Variants in ARHGAP45 observed in about 807,000 individuals in gnomAD.
ARHGAP45 encodes the protein Rho GTPase activating protein 45.
In ARHGAP45, 56 loss-of-function variants were observed where a neutral mutation model predicts 116.1. That is an observed-to-expected ratio of 0.48 (90% confidence interval 0.39 to 0.60). The LOEUF (loss-of-function observed/expected upper bound fraction) is 0.60. Among genes scored for constraint, ARHGAP45 ranks in the 20% least tolerant of loss-of-function variants. The pLI is 0.00. For missense variants in ARHGAP45, 1,622 were observed against 1,601.0 expected (o/e 1.01, Z -0.22); for synonymous variants, 866 against 701.7 (o/e 1.23, Z -3.70).
rs1568486735 is a variant in ARHGAP45 at position 1,084,365 on chromosome 19, G to A, written c.3064+19G>A. ...TGCAGAGGTGAGTGTGTGGCTGCCC[G>A]AACGGCCCCAAGGGAGGCTGGCGTG... is the stretch of plus-strand genomic sequence containing the variant. On this transcript the variant is annotated intron_variant, in intron 22 of 22. Coordinates refer to ENST00000313093, the MANE Select transcript of ARHGAP45 (RefSeq NM_012292.5). 4.4e-6 allele frequency: 7 copies of A among 1,590,610 alleles called. No individual in the cohort carries two copies. Among genetic ancestry groups the A allele is most frequent in the East Asian group, 2.2e-5 (1 of 44,622 alleles).
At position 1,071,203 on chromosome 19, in the gene ARHGAP45, C is replaced by G. The variant is rs1274044224; in HGVS notation, c.422-1946C>G. The G allele has an allele frequency of 7.1e-7, 1 of 1,405,326 alleles. No individual in the cohort carries two copies. The highest frequency in any genetic ancestry group is 9.2e-7 in the Non-Finnish European group (1 of 1,081,572). The allele number at this position is 1,405,326 out of a possible 1,614,324, so 87.1% of individuals were successfully genotyped here. A position where few individuals can be genotyped will look rare whatever the true frequency, so the allele number is the denominator to read the frequency against. ...GCGGGGGCGGGGCCTCCTGACCGGC[C>G]GGAGCCGGTTTGGCCACCGGAGACC... On this transcript the variant is annotated intron_variant, in intron 2 of 22. Transcript: ENST00000313093. The surrounding 1 kb of genome is among the most constrained non-coding windows in gnomAD (Gnocchi z 4.6).
intron 10 of ARHGAP45, chr19:1,077,350 C>T (rs1049918876): frequency 2.0e-6 from 2 of 997,652 alleles, no homozygotes; most frequent in African/African-American, 3.5e-5. Context: ...TCCGAGTGTC[C>T]TGTTACGGGT....
chr19:1,082,797 G>A, intron 19 of ARHGAP45, 43 bp from the exon 20 acceptor site: 1 of 1,439,640 alleles, frequency 6.9e-7, no homozygotes, highest in Middle Eastern at 2.1e-4. Flanking sequence ...CGTGGGGGCT[G>A]GGCCAGGCCC....
intron 11 of ARHGAP45, 138 bp from the exon 12 acceptor site, chr19:1,079,565 C>T: frequency 9.5e-7 from 1 of 1,053,824 alleles, no homozygotes; most frequent in Non-Finnish European, 1.4e-6. Context: ...TCTCGAACTC[C>T]TGGCCTCAAG....
rs2043103142 is a variant in ARHGAP45, at chr19:1,069,712, C to T, written c.421+968C>T. Among the ~76,000 whole-genome samples the T allele has an allele frequency of 6.6e-6, 1 of 152,066 alleles. No homozygotes were observed. Among genetic ancestry groups the T allele is most frequent in the Non-Finnish European group, 1.5e-5 (1 of 67,996 alleles). On this transcript the variant is annotated intron_variant, in intron 2 of 22. Transcript: ENST00000313093. This position sits in a 1 kb window ranked among gnomAD's most constrained non-coding sequence, Gnocchi z 4.1. ...TGCTTTCCTGGGGAAACCCTAATCTCGGTTCCTTTCCGATCCTGGCGCTTC... is the reference window on the plus strand; with the variant it reads ...TGCTTTCCTGGGGAAACCCTAATCTTGGTTCCTTTCCGATCCTGGCGCTTC...
In ARHGAP45 at chr19:1,074,595, G is replaced by A. The variant is rs199745412; in HGVS notation, c.994-19G>A. On this transcript the variant is annotated intron_variant, in intron 8 of 22. Coordinates refer to ENST00000313093, the MANE Select transcript of ARHGAP45 (RefSeq NM_012292.5). ...GCCTCCATCCCTCCCCACCCAGTGA[G>A]CCGGTGCCCCACCCACAGCCCCACA... 4 of 1,537,290 alleles carry A rather than the reference G, an allele frequency of 2.6e-6. No homozygotes were observed. The highest frequency in any genetic ancestry group is 3.5e-6 in the Non-Finnish European group (4 of 1,139,064).
intron 10 of ARHGAP45, chr19:1,077,323 C>G (rs1286625244): frequency 1.0e-6 from 1 of 984,602 alleles, no homozygotes; most frequent in African/African-American, 1.8e-5. Context: ...AGAGTGGGCA[C>G]ACAGGACACC....
At chr19:1,078,242 C>CA (rs1270381103) in intron 11 of ARHGAP45, among the ~76,000 whole-genome samples, 197 bp downstream of exon 11, 3 of 151,652 alleles carry the variant, frequency 2.0e-5, no homozygotes, top group African/African-American at 7.3e-5. Context: ...CTCCCGGGTT[C>CA]ACGCCATTCT....
At chr19:1,078,104 G>A (rs969030048) in intron 11 of ARHGAP45, 59 bp downstream of exon 11, 21 of 1,505,714 alleles carry the variant, frequency 1.4e-5, no homozygotes, top group Non-Finnish European at 1.9e-5. Context: ...AATGCTTGGT[G>A]TGACATTTAC....
intron 2 of ARHGAP45, among the ~76,000 whole-genome samples, chr19:1,070,643 G>A (rs1003390755): frequency 1.3e-5 from 2 of 151,764 alleles, no homozygotes; most frequent in African/African-American, 4.8e-5. Flanking sequence ...CATCGCGCCC[G>A]GCCAGTTTTT....
At chr19:1,082,533 A>C (rs2043470889) in intron 19 of ARHGAP45, 1 of 439,956 alleles carries the variant, frequency 2.3e-6, no homozygotes. Context: ...TGGGACCAGC[A>C]CTTCGCAGGT....
At chr19:1,080,651 G>C in intron 15 of ARHGAP45, 31 bp from the exon 16 acceptor site, 1 of 1,610,100 alleles carries the variant, frequency 6.2e-7, no homozygotes, top group South Asian at 1.1e-5. Flanking sequence ...CCCTGGCTGG[G>C]GGAGTCTGAA....
chr19:1,082,609 C>T (rs1293688141), intron 19 of ARHGAP45: 22 of 532,434 alleles, frequency 4.1e-5, no homozygotes, highest in Non-Finnish European at 5.9e-5. Flanking sequence ...CAGGGCGGGG[C>T]GCGCGTGGCC....
At position 1,080,501 on chromosome 19, in the gene ARHGAP45, C is replaced by G. The variant is rs1348142017; in HGVS notation, c.1866C>G (p.Leu622=). 5.0e-6 allele frequency: 8 copies of G among 1,612,862 alleles called. No individual in the cohort carries two copies. The highest frequency in any genetic ancestry group is 1.3e-5 in the African/African-American group (1 of 74,936). ...ACCAGGTTCACAAGTCATGGCCGCT[C>G]TCGATCTCAGACTCGGACAGTGGGC... is the stretch of plus-strand genomic sequence containing the variant. The part of the protein sequence containing the change: ...RGHQVHKSWP[L]SISDSDSGLD... Residue 622 remains leucine (L), a synonymous_variant, in exon 15 of 23, where the codon CTC becomes CTG. Coordinates refer to ENST00000313093, the MANE Select transcript of ARHGAP45 (RefSeq NM_012292.5).
chr19:1,086,306 G>A lies in ARHGAP45; in HGVS notation c.*300G>A. The stretch of plus-strand genomic sequence containing the variant: ...TTGGTGCCCACAGGGCTGTGTGGAT[G>A]GAGGAAGCTGTCCCTGCCCAGTGCA... On this transcript the variant is annotated 3_prime_UTR_variant, in exon 23 of 23. Transcript: ENST00000313093. 1 of 350,398 alleles carries A rather than the reference G, an allele frequency of 2.9e-6. No homozygotes were observed. The allele number at this position is 350,398 out of a possible 1,614,324, so 21.7% of individuals were successfully genotyped here.
At position 1,073,486 on chromosome 19, in the gene ARHGAP45, T is replaced by A; in HGVS notation, c.566-20T>A. 3.1e-6 allele frequency: 5 copies of A among 1,612,166 alleles called. No homozygotes were observed. The highest frequency in any genetic ancestry group is 2.5e-6 in the Non-Finnish European group (3 of 1,178,572). Reference sequence around the variant, plus strand: ...CTCCCAGAGTGGGCCCACCTCCTTGTCCTTATCTCTGCTTCCCAGCCTTCC... The same window carrying A: ...CTCCCAGAGTGGGCCCACCTCCTTGACCTTATCTCTGCTTCCCAGCCTTCC... On this transcript the variant is annotated intron_variant, in intron 3 of 22. Coordinates refer to ENST00000313093, the MANE Select transcript of ARHGAP45 (RefSeq NM_012292.5).
At chr19:1,073,327 T>G (rs1218913117) in intron 3 of ARHGAP45, 35 bp downstream of exon 3, 1 of 1,607,318 alleles carries the variant, frequency 6.2e-7, no homozygotes, top group Non-Finnish European at 8.5e-7. Flanking sequence ...GAGGGCTCTC[T>G]GCCTAGAAGG....
At chr19:1,075,645 G>A (rs2043232180) in intron 10 of ARHGAP45, among the ~76,000 whole-genome samples, 1 of 152,032 alleles carries the variant, frequency 6.6e-6, no homozygotes, top group Admixed American at 6.6e-5. Context: ...ATAAGGTCTC[G>A]CTCTGTCACC....
chr19:1,067,714 A>G (rs1355940587), intron 1 of ARHGAP45: 1 of 696,162 alleles, frequency 1.4e-6, no homozygotes, highest in East Asian at 2.7e-5. Flanking sequence ...CCTCCACTCC[A>G]TCCAGGGCTG....
Sources: allele counts gnomAD v4.1 joint callset (sites outside exome capture counted in the v4.1 genomes callset), GRCh38; gene constraint gnomAD v4.1.1; non-coding constraint Gnocchi (gnomAD v3.1); transcripts MANE v1.5; gene names NCBI Gene and HGNC (gene_info 2026-07-23, HGNC 2026-07-21).